ELMO1: variants seen among roughly 807,000 people sequenced by gnomAD.
The protein encoded by ELMO1 is engulfment and cell motility 1.
A neutral mutation model predicts 98.9 loss-of-function variants in ELMO1; 26 were observed. That is an observed-to-expected ratio of 0.26 (90% confidence interval 0.19 to 0.36). The LOEUF is 0.36. Among genes scored for constraint, ELMO1 ranks in the 10% least tolerant of loss-of-function variants. The probability of loss-of-function intolerance (pLI) is 1.00; values close to 1 mark genes in which losing one functional copy is unlikely to be tolerated. For synonymous variants in ELMO1, 346 were observed against 346.0 expected (o/e 1.00, Z 0.00); for missense variants, 627 against 935.2 (o/e 0.67, Z 4.30).
intron 14 of ELMO1, among the ~76,000 whole-genome samples, chr7:37,123,313 T>C (rs1257699165): frequency 1.4e-5 from 2 of 144,348 alleles, no homozygotes; most frequent in African/African-American, 5.8e-5. Context: ...GATAGAGACA[T>C]AAAAAACCCT....
At chr7:37,447,821 G>A (rs981910156) in intron 1 of ELMO1, among the ~76,000 whole-genome samples, 3 of 149,908 alleles carry the variant, frequency 2.0e-5, no homozygotes, top group African/African-American at 7.4e-5. Context: ...CCCCGGGACA[G>A]CTGAGTTCTG....
intron 21 of ELMO1, among the ~76,000 whole-genome samples, chr7:36,861,003 T>C (rs1192390556): frequency 6.6e-6 from 1 of 152,214 alleles, no homozygotes; most frequent in Non-Finnish European, 1.5e-5. Flanking sequence ...AAAATTTGAA[T>C]GGTATCATCT....
intron 15 of ELMO1, among the ~76,000 whole-genome samples, chr7:37,039,571 A>G (rs1795383940): frequency 6.6e-6 from 1 of 152,218 alleles, no homozygotes. Context: ...ATCAGAAGGA[A>G]GCACTATATG....
chr7:36,996,517 A>G (rs1186951091), intron 16 of ELMO1, among the ~76,000 whole-genome samples: 1 of 152,226 alleles, frequency 6.6e-6, no homozygotes, highest in African/African-American at 2.4e-5. Flanking sequence ...GAGAGTAGAT[A>G]TGATTTTCAA....
At chr7:36,958,326 C>T (rs955640063) in intron 16 of ELMO1, among the ~76,000 whole-genome samples, 1 of 152,200 alleles carries the variant, frequency 6.6e-6, no homozygotes, top group African/African-American at 2.4e-5. Flanking sequence ...GCTGTCTGGT[C>T]TCATTTAAAT....
At chr7:37,307,273 T>C (rs1562600034) in intron 4 of ELMO1, among the ~76,000 whole-genome samples, 1 of 152,220 alleles carries the variant, frequency 6.6e-6, no homozygotes, top group Non-Finnish European at 1.5e-5. Flanking sequence ...CACGTGCCGA[T>C]GGGAGGTAAC....
At chr7:37,443,043 C>A (rs921305612) in intron 1 of ELMO1, among the ~76,000 whole-genome samples, 2 of 152,202 alleles carry the variant, frequency 1.3e-5, no homozygotes, top group African/African-American at 4.8e-5. Context: ...TGACTGTTCT[C>A]CATCATTTCC....
At chr7:36,901,460 T>C (rs1028914075) in intron 16 of ELMO1, among the ~76,000 whole-genome samples, 2 of 152,234 alleles carry the variant, frequency 1.3e-5, no homozygotes, top group Non-Finnish European at 1.5e-5. Context: ...TGGCAACTTA[T>C]ATAATGACAG....
At chr7:37,328,767 C>T (rs938669325) in intron 2 of ELMO1, among the ~76,000 whole-genome samples, 1 of 152,222 alleles carries the variant, frequency 6.6e-6, no homozygotes, top group Admixed American at 6.5e-5. Context: ...CAAGCTCACT[C>T]TGGATGCCCA....
intron 21 of ELMO1, among the ~76,000 whole-genome samples, chr7:36,859,962 C>T (rs1802489296): frequency 6.6e-6 from 1 of 152,152 alleles, no homozygotes; most frequent in Non-Finnish European, 1.5e-5. Context: ...TCTTCCTTCT[C>T]CCTCATCCTA....
In ELMO1 at chr7:36,894,751, C is replaced by T. The variant is rs1805850958; in HGVS notation, c.1601+103G>A. ...CTTGGAATGTCTTCTGCTGGCCTTC[C>T]CTGAGGAGCTCACAACACAGCCCAG... On this transcript the variant is annotated intron_variant, in intron 17 of 21. Coordinates refer to ENST00000310758, the MANE Select transcript of ELMO1 (RefSeq NM_014800.11). The T allele has an allele frequency of 2.8e-6, 4 of 1,445,778 alleles. No individual in the cohort carries two copies. The South Asian group carries it at 3.8e-5, about 14-fold the overall frequency. 89.6% of individuals were successfully genotyped at this position (1,445,778 alleles called of 1,614,324 possible).
intron 1 of ELMO1, among the ~76,000 whole-genome samples, chr7:37,437,186 T>C (rs1355391678): frequency 6.6e-6 from 1 of 152,218 alleles, no homozygotes; most frequent in Non-Finnish European, 1.5e-5. Context: ...GACATGGGGT[T>C]TCTCCCAGGG....
intron 15 of ELMO1, among the ~76,000 whole-genome samples, chr7:37,056,454 G>C (rs1796395569): frequency 6.6e-6 from 1 of 152,204 alleles, no homozygotes; most frequent in Non-Finnish European, 1.5e-5. Flanking sequence ...CCATTAGGAT[G>C]CAGTGTCGGT....
intron 16 of ELMO1, among the ~76,000 whole-genome samples, chr7:36,935,980 G>GC (rs772600915): frequency 4.5e-4 from 68 of 152,170 alleles, no homozygotes; most frequent in Non-Finnish European, 7.9e-4. Context: ...ACCTAAGATT[G>GC]CCCCCTCCTC....
intron 13 of ELMO1, among the ~76,000 whole-genome samples, chr7:37,157,983 C>A (rs200876771): frequency 7.0e-4 from 103 of 146,426 alleles, no homozygotes; most frequent in East Asian, 1.4e-3. Context: ...CAGAACAGAG[C>A]CCTCAGAAAT....
At chr7:37,262,057 T>A (rs531849622) in intron 5 of ELMO1, among the ~76,000 whole-genome samples, 3 of 152,224 alleles carry the variant, frequency 2.0e-5, no homozygotes, top group Non-Finnish European at 2.9e-5. Context: ...AAGTCAATAA[T>A]GTGGAAGCTA....
chr7:37,271,737 T>C (rs560964729), intron 5 of ELMO1, 95 bp downstream of exon 5: 2 of 1,383,726 alleles, frequency 1.4e-6, no homozygotes, highest in East Asian at 4.6e-5. Context: ...TGCTTTGCAC[T>C]AAAGTCAACC....
chr7:37,086,248 T>C (rs975535132), intron 15 of ELMO1, among the ~76,000 whole-genome samples: 2 of 152,208 alleles, frequency 1.3e-5, no homozygotes, highest in African/African-American at 4.8e-5. Flanking sequence ...TTTTAAATAC[T>C]TCTATTTTGA....
intron 16 of ELMO1, among the ~76,000 whole-genome samples, chr7:36,921,918 C>T (rs1329209344): frequency 1.3e-5 from 2 of 152,158 alleles, no homozygotes; most frequent in Non-Finnish European, 2.9e-5. Flanking sequence ...GCTGCGTATG[C>T]CTGTGTGGCA....
Sources: allele counts gnomAD v4.1 joint callset (sites outside exome capture counted in the v4.1 genomes callset), GRCh38; gene constraint gnomAD v4.1.1; transcripts MANE v1.5; gene names NCBI Gene and HGNC (gene_info 2026-07-23, HGNC 2026-07-21).